The following CDH4 variants were observed in gnomAD, a reference collection of about 807,000 sequenced individuals.
CDH4 encodes the protein cadherin-4.
In CDH4, 33 loss-of-function variants were observed where a neutral mutation model predicts 86.0. The observed-to-expected ratio is 0.38, with a 90% CI of 0.29 to 0.51. The LOEUF is 0.51. CDH4 is among the 20% of genes least tolerant of loss of function. CDH4 has a pLI of 0.86. For missense variants in CDH4, 1,114 were observed against 1,307.4 expected (o/e 0.85, Z 2.28); for synonymous variants, 555 against 549.4 (o/e 1.01, Z -0.14).
intron 2 of CDH4, among the ~76,000 whole-genome samples, chr20:61,682,185 G>A (rs1240997817): frequency 6.6e-6 from 1 of 152,008 alleles, no homozygotes; most frequent in African/African-American, 2.4e-5. Flanking sequence ...ATGATGGATG[G>A]AGGGATGGAT....
chr20:61,609,189 A>G (rs1297626165), intron 2 of CDH4, among the ~76,000 whole-genome samples: 1 of 152,206 alleles, frequency 6.6e-6, no homozygotes, highest in African/African-American at 2.4e-5. Flanking sequence ...TCTCTGAATC[A>G]TCGTTGTAAA....
intron 2 of CDH4, among the ~76,000 whole-genome samples, chr20:61,534,653 CTTTCT>C (rs2085981162): frequency 1.1e-5 from 1 of 92,770 alleles, no homozygotes; most frequent in African/African-American, 7.8e-5. Flanking sequence ...TCTTTCTTTT[CTTTCT>C]TTCTTTCTTT....
chr20:61,936,731 C>T lies in CDH4; in HGVS notation c.2545-6C>T, dbSNP rs759537030. 1.9e-6 allele frequency: 3 copies of T among 1,544,990 alleles called. No homozygotes were observed. Among genetic ancestry groups the T allele is most frequent in the Non-Finnish European group, 2.6e-6 (3 of 1,146,922 alleles). On this transcript the variant is annotated splice_region_variant and splice_polypyrimidine_tract_variant and intron_variant, in intron 15 of 15. Transcript: ENST00000614565. ...TGCACCCTAACTCTGTGTCTGTGAC[C>T]CCCAGGGACTCCGCGCTGCTGACAA...
At chr20:61,329,855 T>TCC (rs58154497) in intron 2 of CDH4, among the ~76,000 whole-genome samples, 1 of 98,964 alleles carries the variant, frequency 1.0e-5, no homozygotes, top group East Asian at 3.4e-4. Flanking sequence ...CCCCACCCCA[T>TCC]CCCCCGACAG....
intron 2 of CDH4, among the ~76,000 whole-genome samples, chr20:61,505,964 G>A (rs1048378322): frequency 1.1e-4 from 17 of 152,220 alleles, no homozygotes; most frequent in Non-Finnish European, 1.3e-4. Context: ...AGGTCCATTC[G>A]AAGTCTGGTG....
chr20:61,663,309 A>T lies in CDH4; in HGVS notation c.170-80254A>T, dbSNP rs1426142058. Among the ~76,000 whole-genome samples, 1 of 152,196 alleles carries T rather than the reference A, an allele frequency of 6.6e-6. No homozygotes were observed. Among genetic ancestry groups the T allele is most frequent in the Non-Finnish European group, 1.5e-5 (1 of 68,044 alleles). Reference sequence around the variant, plus strand: ...GCAGGAAAGGAGTGGCACCCGCAGGAGGCCTGTGCTGCGGAGCTCCTGGGA... The same window carrying T: ...GCAGGAAAGGAGTGGCACCCGCAGGTGGCCTGTGCTGCGGAGCTCCTGGGA... On this transcript the variant is annotated intron_variant, in intron 2 of 15. Transcript: ENST00000614565. The surrounding 1 kb of genome is among the most constrained non-coding windows in gnomAD (Gnocchi z 5.0).
chr20:61,304,917 G>C (rs116707819), intron 2 of CDH4, among the ~76,000 whole-genome samples: 2,144 of 151,828 alleles, frequency 0.014, 39 homozygotes, highest in African/African-American at 0.049. Context: ...AGTATGTTGC[G>C]TGTGTTGTAC....
chr20:61,496,710 TTC>T (rs2085665406), intron 2 of CDH4, among the ~76,000 whole-genome samples: 1 of 152,206 alleles, frequency 6.6e-6, no homozygotes, highest in African/African-American at 2.4e-5. Flanking sequence ...TTCTAGAAAG[TTC>T]TCATATCCTT....
At chr20:61,367,957 G>A (rs2084820164) in intron 2 of CDH4, among the ~76,000 whole-genome samples, 1 of 142,148 alleles carries the variant, frequency 7.0e-6, no homozygotes, top group Admixed American at 7.8e-5. Context: ...TGCAACCTCT[G>A]CCTCCTGGGT....
rs573018601 is a variant in CDH4 at position 61,832,366 on chromosome 20, C to T, written c.577-12302C>T. On this transcript the variant is annotated intron_variant, in intron 4 of 15. Transcript: ENST00000614565. ...ATATGAATGGCCTTGTCTGTATTAA[C>T]GGCACTGCCTTGGGTTGTGGTGATG... Among the ~76,000 whole-genome samples, 8 of 152,306 alleles carry T rather than the reference C, an allele frequency of 5.3e-5. No homozygotes were observed. In the South Asian group the frequency reaches 6.2e-4, roughly 12 times the overall value.
intron 2 of CDH4, among the ~76,000 whole-genome samples, chr20:61,404,662 A>G (rs1251108244): frequency 6.6e-6 from 1 of 151,720 alleles, no homozygotes; most frequent in African/African-American, 2.4e-5. Flanking sequence ...GCTGCTTCTT[A>G]AGGAAAATGT....
chr20:61,458,308 A>G (rs192739150), intron 2 of CDH4, among the ~76,000 whole-genome samples: 1 of 149,516 alleles, frequency 6.7e-6, no homozygotes, highest in East Asian at 2.0e-4. Flanking sequence ...TATGACTGAC[A>G]CTAGTGGTGG....
At chr20:61,772,948 C>G (rs2088792496) in intron 3 of CDH4, 55 bp from the exon 4 acceptor site, 3 of 1,512,364 alleles carry the variant, frequency 2.0e-6, no homozygotes, top group Middle Eastern at 1.8e-4. Context: ...CCATTTTCCT[C>G]TGTGCAAAAC....
At chr20:61,484,677 G>T (rs774048952) in intron 2 of CDH4, among the ~76,000 whole-genome samples, 2 of 152,196 alleles carry the variant, frequency 1.3e-5, no homozygotes, top group Non-Finnish European at 2.9e-5. Context: ...TGGGGAGAAG[G>T]TACCTGTGTG....
In CDH4 at chr20:61,743,774, G is replaced by A. The variant is rs147587513; in HGVS notation, c.381G>A (p.Pro127=). Residue 127 remains proline (P), a synonymous_variant, in exon 3 of 16, where the codon CCG becomes CCA. Coordinates refer to ENST00000614565, the MANE Select transcript of CDH4 (RefSeq NM_001794.5). ...VRLLVAQTSS[P]HSGHKPQKGK... is the part of the protein sequence containing the mutation. ...TGCTGGTGGCCCAGACCTCGTCCCCGCACTCTGGACACAAGGTAAGGTGTG... is the reference window on the plus strand; with the variant it reads ...TGCTGGTGGCCCAGACCTCGTCCCCACACTCTGGACACAAGGTAAGGTGTG... 347 of 1,601,066 alleles carry A rather than the reference G, an allele frequency of 2.2e-4. 3 individuals are homozygous for A. Among genetic ancestry groups the A allele is most frequent in the South Asian group, 2.1e-3 (186 of 88,666 alleles).
At chr20:61,368,700 A>G (rs1360991241) in intron 2 of CDH4, among the ~76,000 whole-genome samples, 7 of 152,106 alleles carry the variant, frequency 4.6e-5, no homozygotes, top group Admixed American at 4.6e-4. Flanking sequence ...TATTTTTAGT[A>G]GAGATGGTGT....
At chr20:61,406,264 T>C (rs2085081534) in intron 2 of CDH4, among the ~76,000 whole-genome samples, 1 of 149,160 alleles carries the variant, frequency 6.7e-6, no homozygotes, top group African/African-American at 2.5e-5. Context: ...CACCATCTGC[T>C]CTACCCGGAC....
intron 2 of CDH4, among the ~76,000 whole-genome samples, chr20:61,262,635 G>A (rs944687130): frequency 1.3e-5 from 2 of 152,148 alleles, no homozygotes; most frequent in African/African-American, 4.8e-5. Flanking sequence ...TATTTGGTGT[G>A]TGCATCCCTG....
In CDH4 at chr20:61,674,655, A is replaced by G. The variant is rs181325560; in HGVS notation, c.170-68908A>G. Reference sequence around the variant, plus strand: ...AACATCCTTGTTAATGCTATATTTTATTTAACCCAATATATCCAAAATGTT... The same window carrying G: ...AACATCCTTGTTAATGCTATATTTTGTTTAACCCAATATATCCAAAATGTT... On this transcript the variant is annotated intron_variant, in intron 2 of 15. Coordinates refer to ENST00000614565, the MANE Select transcript of CDH4 (RefSeq NM_001794.5). 2.7e-3 allele frequency among the ~76,000 whole-genome samples: 413 copies of G among 152,380 alleles called. 4 individuals carry two copies. The highest frequency in any genetic ancestry group is 3.1e-3 in the Non-Finnish European group (212 of 68,034).
Sources: gnomAD v4.1 joint callset for allele counts (sites outside exome capture counted in the v4.1 genomes callset) on GRCh38, gnomAD v4.1.1 for gene constraint, Gnocchi (gnomAD v3.1) non-coding constraint, MANE v1.5 for transcripts, NCBI Gene and HGNC (gene_info 2026-07-23, HGNC 2026-07-21) for gene names.